AMBRA1: variants seen among roughly 807,000 people sequenced by gnomAD.
AMBRA1 encodes the protein activating molecule in BECN1-regulated autophagy protein 1.
Under a neutral mutation model 125.4 loss-of-function variants are expected in AMBRA1, and 47 were observed. The ratio of observed to expected loss-of-function variants is 0.37; its 90% CI spans 0.30 to 0.48. The LOEUF (loss-of-function observed/expected upper bound fraction) is 0.48, where lower values mean the gene tolerates loss of function less well. AMBRA1 is among the 20% of genes least tolerant of loss of function. The pLI is 0.99. For missense variants in AMBRA1, 1,331 were observed against 1,693.4 expected (o/e 0.79, Z 3.76); for synonymous variants, 626 against 655.5 (o/e 0.95, Z 0.69).
chr11:46,489,716 C>G (rs1313144761), intron 11 of AMBRA1, among the ~76,000 whole-genome samples: 1 of 152,194 alleles, frequency 6.6e-6, no homozygotes, highest in Non-Finnish European at 1.5e-5. Context: ...TACCCAGGCC[C>G]CTATTCCTCA....
intron 11 of AMBRA1, among the ~76,000 whole-genome samples, chr11:46,454,552 G>C (rs189160964): frequency 6.9e-6 from 1 of 145,426 alleles, no homozygotes; most frequent in South Asian, 2.2e-4. Context: ...TGGCTAACAC[G>C]GTGAAACCCC....
chr11:46,438,285 G>A (rs1341078765), intron 12 of AMBRA1, among the ~76,000 whole-genome samples: 1 of 152,238 alleles, frequency 6.6e-6, no homozygotes, highest in Non-Finnish European at 1.5e-5. Context: ...AGGAAGCCAT[G>A]TTCCAGACTC....
intron 17 of AMBRA1, among the ~76,000 whole-genome samples, chr11:46,399,001 T>C (rs1327294383): frequency 6.6e-6 from 1 of 151,648 alleles, no homozygotes; most frequent in Non-Finnish European, 1.5e-5. Flanking sequence ...TTCGAGCTCC[T>C]GACCTCAGGT....
At position 46,433,644 on chromosome 11, in the gene AMBRA1, A is replaced by G; in HGVS notation, c.2822-16T>C. On this transcript the variant is annotated splice_polypyrimidine_tract_variant and intron_variant, in intron 13 of 17. Coordinates refer to ENST00000683756, the MANE Select transcript of AMBRA1 (RefSeq NM_001387011.1). ...GCATTGGGACCTGAGGGCCAACAAA[A>G]CAGAGAAATATTTCCTAGGCTTCTG... is the stretch of plus-strand genomic sequence containing the variant. The G allele has an allele frequency of 6.2e-7, 1 of 1,608,236 alleles. No homozygotes were observed. Among genetic ancestry groups the G allele is most frequent in the South Asian group, 1.1e-5 (1 of 90,854 alleles).
intron 12 of AMBRA1, among the ~76,000 whole-genome samples, chr11:46,436,190 C>CA (rs1007630212): frequency 6.6e-6 from 1 of 152,104 alleles, no homozygotes. Context: ...TGCAGTAATC[C>CA]AAAAAAAGTC....
At chr11:46,464,069 C>T (rs1033228750) in intron 11 of AMBRA1, among the ~76,000 whole-genome samples, 1 of 152,092 alleles carries the variant, frequency 6.6e-6, no homozygotes, top group African/African-American at 2.4e-5. Flanking sequence ...AGTGGGGATG[C>T]TGAGGTTAAA....
At chr11:46,398,637 C>G (rs1014410070) in intron 17 of AMBRA1, among the ~76,000 whole-genome samples, 6 of 152,024 alleles carry the variant, frequency 3.9e-5, no homozygotes, top group Non-Finnish European at 5.9e-5. Flanking sequence ...CGCCACCACA[C>G]CCAGCTAATT....
intron 1 of AMBRA1, among the ~76,000 whole-genome samples, chr11:46,579,459 A>T (rs2044096192): frequency 6.6e-6 from 1 of 152,218 alleles, no homozygotes; most frequent in African/African-American, 2.4e-5. Context: ...CTCCATCTCA[A>T]TAAATAAATA....
intron 7 of AMBRA1, among the ~76,000 whole-genome samples, chr11:46,537,863 C>A (rs1952553172): frequency 6.6e-6 from 1 of 152,246 alleles, no homozygotes; most frequent in African/African-American, 2.4e-5. Flanking sequence ...TTTCTCCTTT[C>A]AAGTACAATC....
chr11:46,468,863 G>C (rs1949449381), intron 11 of AMBRA1, among the ~76,000 whole-genome samples: 1 of 151,380 alleles, frequency 6.6e-6, no homozygotes, highest in Non-Finnish European at 1.5e-5. Context: ...AAGGAGGAAG[G>C]CCAGACACAG....
chr11:46,472,850 C>G (rs760139011), intron 11 of AMBRA1, among the ~76,000 whole-genome samples: 1 of 152,200 alleles, frequency 6.6e-6, no homozygotes, highest in Non-Finnish European at 1.5e-5. Context: ...CACCTGCTCA[C>G]CAGGCAAACT....
intron 1 of AMBRA1, among the ~76,000 whole-genome samples, chr11:46,590,296 C>A (rs1346365817): frequency 6.6e-6 from 1 of 151,606 alleles, no homozygotes; most frequent in African/African-American, 2.4e-5. Flanking sequence ...GCCAAGATTG[C>A]GCCACTGCCT....
At chr11:46,547,537 A>T in intron 3 of AMBRA1, 1 of 563,032 alleles carries the variant, frequency 1.8e-6, no homozygotes, top group Non-Finnish European at 3.1e-6. Flanking sequence ...TTCCCACTGG[A>T]AAAACCATCA....
At chr11:46,548,680 T>C (rs1388048096) in intron 1 of AMBRA1, among the ~76,000 whole-genome samples, 180 bp from the exon 2 acceptor site, 3 of 152,208 alleles carry the variant, frequency 2.0e-5, no homozygotes, top group African/African-American at 7.2e-5. Flanking sequence ...ATATTCTCCA[T>C]AGCTCAACCT....
chr11:46,436,972 G>A (rs1383391419), intron 12 of AMBRA1, among the ~76,000 whole-genome samples: 1 of 152,148 alleles, frequency 6.6e-6, no homozygotes, highest in Non-Finnish European at 1.5e-5. Context: ...TACATTTAAT[G>A]TCTCGAAAAT....
intron 11 of AMBRA1, among the ~76,000 whole-genome samples, chr11:46,474,667 C>T (rs558597398): frequency 2.6e-5 from 4 of 152,264 alleles, no homozygotes; most frequent in South Asian, 4.1e-4. Context: ...GGATTACAAG[C>T]GTAAGCCACG....
chr11:46,509,212 C>T (rs73467944), intron 8 of AMBRA1, among the ~76,000 whole-genome samples: 1,838 of 152,246 alleles, frequency 0.012, 44 homozygotes, highest in African/African-American at 0.042. Flanking sequence ...CTTCAAACTA[C>T]GGCTTTAATA....
At chr11:46,497,964 G>T (rs1950698053) in intron 9 of AMBRA1, among the ~76,000 whole-genome samples, 1 of 152,144 alleles carries the variant, frequency 6.6e-6, no homozygotes, top group Admixed American at 6.5e-5. Flanking sequence ...CAATAGAAGA[G>T]CACAGGAATT....
chr11:46,477,175 G>A lies in AMBRA1; in HGVS notation c.2521+16433C>T, dbSNP rs11821877. Among the ~76,000 whole-genome samples, 1,305 of 152,048 alleles carry A rather than the reference G, an allele frequency of 8.6e-3. 10 individuals are homozygous for A. Among genetic ancestry groups the A allele is most frequent in the African/African-American group, 0.03 (1,259 of 41,472 alleles). The stretch of plus-strand genomic sequence containing the variant: ...AAGGGAGAAAGGTGGAAGGGTGGGA[G>A]GGGAAAGGGACCCAGGAGTAAAAGT... On this transcript the variant is annotated intron_variant, in intron 11 of 17. Transcript: ENST00000683756.
Sources: allele counts gnomAD v4.1 joint callset (sites outside exome capture counted in the v4.1 genomes callset), GRCh38; gene constraint gnomAD v4.1.1; transcripts MANE v1.5; gene names NCBI Gene and HGNC (gene_info 2026-07-23, HGNC 2026-07-21).